The following IMPA2 variants were observed in gnomAD, a reference collection of about 807,000 sequenced individuals.
The protein encoded by IMPA2 is IMP 2.
In IMPA2, 32 loss-of-function variants were observed where a neutral mutation model predicts 35.1. The ratio of observed to expected loss-of-function variants is 0.91; its 90% CI spans 0.69 to 1.23. The LOEUF is 1.23. Among genes scored for constraint, IMPA2 ranks in the 50% most tolerant of loss-of-function variants. The pLI, the probability that IMPA2 is intolerant of heterozygous loss-of-function variation, is 0.00. For synonymous variants in IMPA2, 135 were observed against 160.6 expected (o/e 0.84, Z 1.20); for missense variants, 334 against 387.6 (o/e 0.86, Z 1.16).
At chr18:11,992,588 G>T (rs921636097) in intron 1 of IMPA2, among the ~76,000 whole-genome samples, 1 of 151,848 alleles carries the variant, frequency 6.6e-6, no homozygotes, top group African/African-American at 2.4e-5. Flanking sequence ...GTGACTTCAG[G>T]CCCATATTTT....
At chr18:12,000,851 A>G (rs927413177) in intron 2 of IMPA2, among the ~76,000 whole-genome samples, 3 of 150,824 alleles carry the variant, frequency 2.0e-5, no homozygotes, top group East Asian at 2.0e-4. Flanking sequence ...TCCTGACCTC[A>G]TGATCCGCCC....
chr18:11,982,400 A>G (rs1210413618), intron 1 of IMPA2, among the ~76,000 whole-genome samples: 2 of 152,156 alleles, frequency 1.3e-5, no homozygotes, highest in Non-Finnish European at 2.9e-5. Flanking sequence ...CACTTTCCTC[A>G]GTACCTTTAG....
At chr18:12,015,383 C>T (rs1268740717) in intron 5 of IMPA2, among the ~76,000 whole-genome samples, 1 of 152,214 alleles carries the variant, frequency 6.6e-6, no homozygotes, top group Non-Finnish European at 1.5e-5. Flanking sequence ...TACTTCTTTC[C>T]TCCCTGGCTG....
chr18:11,995,339 C>T (rs1013787683), intron 1 of IMPA2, among the ~76,000 whole-genome samples: 2 of 152,200 alleles, frequency 1.3e-5, no homozygotes, highest in Admixed American at 6.5e-5. Context: ...GAGGATGTGA[C>T]TCGGAAGTTG....
intron 2 of IMPA2, among the ~76,000 whole-genome samples, chr18:12,009,116 A>C (rs909039226): frequency 6.6e-6 from 1 of 152,182 alleles, no homozygotes; most frequent in Non-Finnish European, 1.5e-5. Context: ...CACCTCTACA[A>C]AAATAAAAAT....
At position 11,981,553 on chromosome 18, in the gene IMPA2, C is replaced by G. The variant is rs573046304; in HGVS notation, c.-117C>G. On this transcript the variant is annotated 5_prime_UTR_variant, in exon 1 of 8. Coordinates refer to ENST00000269159, the MANE Select transcript of IMPA2 (RefSeq NM_014214.3). ...TGTGGGACGGGCGGCGGACTAGGCA[C>G]AGAGCTGCGGGAGCAGGCACAGGGA... 1.2e-4 allele frequency: 75 copies of G among 646,952 alleles called. No homozygotes were observed. The Middle Eastern group carries it at 2.5e-3, about 21-fold the overall frequency. The allele number at this position is 646,952 out of a possible 1,614,324, so 40.1% of individuals were successfully genotyped here. A position where few individuals can be genotyped will look rare whatever the true frequency, so the allele number is the denominator to read the frequency against.
At chr18:12,025,037 A>T (rs953894487) in intron 5 of IMPA2, among the ~76,000 whole-genome samples, 3 of 152,156 alleles carry the variant, frequency 2.0e-5, no homozygotes, top group Non-Finnish European at 4.4e-5. Context: ...TGCTCCGCCT[A>T]TTCTTCCCTC....
chr18:11,983,272 A>G (rs993792582), intron 1 of IMPA2, among the ~76,000 whole-genome samples: 17 of 152,218 alleles, frequency 1.1e-4, no homozygotes, highest in Admixed American at 3.9e-4. Flanking sequence ...TGCTGTGTGC[A>G]TGGAACACGG....
In IMPA2 at chr18:11,981,697, GC is replaced by G; in HGVS notation, c.29del (p.Ala10GlyfsTer45). 8.1e-7 allele frequency: 1 copy of G among 1,230,796 alleles called. No individual in the cohort carries two copies. The highest frequency in any genetic ancestry group is 1.0e-6 in the Non-Finnish European group (1 of 987,054). 76.2% of individuals were successfully genotyped at this position (1,230,796 alleles called of 1,614,324 possible). ...GAAGCCGAGCGGCGAGGACCAGGCG[GC>G]GCTGGCGGCCGGCCCCTGGGAGGAG... MKPSGEDQA[A>X]LAAGPWEECF... On this transcript the variant is annotated frameshift_variant, in exon 1 of 8. Transcript: ENST00000269159. LOFTEE classifies it high-confidence loss of function.
At chr18:12,022,566 T>C (rs1421487449) in intron 5 of IMPA2, among the ~76,000 whole-genome samples, 1 of 146,246 alleles carries the variant, frequency 6.8e-6, no homozygotes, top group African/African-American at 2.5e-5. Context: ...TTTGTGTGTG[T>C]GTGTGCGTTT....
At chr18:11,996,756 G>A (rs1339993742) in intron 1 of IMPA2, among the ~76,000 whole-genome samples, 1 of 152,134 alleles carries the variant, frequency 6.6e-6, no homozygotes, top group East Asian at 1.9e-4. Flanking sequence ...GATCCCAGAG[G>A]CTCTGCTGCC....
chr18:12,028,341 T>C (rs1033437782), intron 6 of IMPA2, 190 bp downstream of exon 6: 5 of 571,888 alleles, frequency 8.7e-6, no homozygotes, highest in Non-Finnish European at 1.2e-5. Flanking sequence ...GCCAGGCCTC[T>C]GGAGATGCGT....
intron 2 of IMPA2, among the ~76,000 whole-genome samples, chr18:12,002,690 G>T (rs1249977): frequency 0.43 from 64,030 of 150,476 alleles, 15,883 homozygotes; most frequent in African/African-American, 0.67. Flanking sequence ...TGAGAGGCTC[G>T]CTTGAGTCCT....
At chr18:12,022,931 C>T (rs1412526428) in intron 5 of IMPA2, among the ~76,000 whole-genome samples, 1 of 145,952 alleles carries the variant, frequency 6.9e-6, no homozygotes, top group African/African-American at 2.5e-5. Context: ...TGTGCCACCA[C>T]GCCTGCCTAA....
At chr18:12,007,593 T>G (rs1192918931) in intron 2 of IMPA2, among the ~76,000 whole-genome samples, 1 of 134,050 alleles carries the variant, frequency 7.5e-6, no homozygotes, top group Non-Finnish European at 1.6e-5. Flanking sequence ...TTTTCTTTTC[T>G]TTCTTTCTTT....
intron 2 of IMPA2, among the ~76,000 whole-genome samples, chr18:12,007,678 TCCTTTCTTTC>T (rs1568032989): frequency 1.7e-4 from 15 of 88,952 alleles, no homozygotes; most frequent in African/African-American, 6.0e-4. Context: ...TTTCTTTCTT[TCCTTTCTTTC>T]CTTTCTTTCC....
At chr18:12,025,971 A>G (rs956126313) in intron 5 of IMPA2, among the ~76,000 whole-genome samples, 136 of 149,938 alleles carry the variant, frequency 9.1e-4, no homozygotes, top group African/African-American at 3.1e-3. Flanking sequence ...TCCAATTTCT[A>G]TTTTTTAATT....
chr18:12,013,291 C>G (rs1464441777), intron 4 of IMPA2, among the ~76,000 whole-genome samples: 2 of 152,156 alleles, frequency 1.3e-5, no homozygotes, highest in African/African-American at 4.8e-5. Context: ...CAGGAACCAG[C>G]CGAATTCTAG....
intron 5 of IMPA2, chr18:12,017,609 A>C: frequency 2.3e-6 from 1 of 430,524 alleles, no homozygotes; most frequent in Non-Finnish European, 4.6e-6. Context: ...TGTTTTTTGA[A>C]ACAGGATCTC....
Sources: allele counts gnomAD v4.1 joint callset (sites outside exome capture counted in the v4.1 genomes callset), GRCh38; gene constraint gnomAD v4.1.1; transcripts MANE v1.5; gene names NCBI Gene and HGNC (gene_info 2026-07-23, HGNC 2026-07-21).